The following ZNF385D variants were observed in gnomAD, a reference collection of about 807,000 sequenced individuals.
ZNF385D encodes the protein zinc finger protein 659.
Under a neutral mutation model 35.8 loss-of-function variants are expected in ZNF385D, and 15 were observed. The ratio of observed to expected loss-of-function variants is 0.42; its 90% CI spans 0.28 to 0.64. ZNF385D has a LOEUF of 0.64. Ranked by LOEUF, ZNF385D falls within the 30% of genes least tolerant of loss-of-function variation. The pLI is 0.23. For synonymous variants in ZNF385D, 212 were observed against 186.8 expected (o/e 1.13, Z -1.10); for missense variants, 474 against 494.6 (o/e 0.96, Z 0.39).
chr3:21,612,257 TTTA>T (rs1347165457), intron 2 of ZNF385D, among the ~76,000 whole-genome samples: 1 of 152,076 alleles, frequency 6.6e-6, no homozygotes, highest in Non-Finnish European at 1.5e-5. Flanking sequence ...GCTAATTTTT[TTTA>T]TTTTTTGTTT....
intron 3 of ZNF385D, among the ~76,000 whole-genome samples, chr3:22,040,084 T>C (rs1698572929): frequency 6.6e-6 from 1 of 152,206 alleles, no homozygotes; most frequent in African/African-American, 2.4e-5. Context: ...AGTGTGTACC[T>C]AACTCTCCTC....
chr3:22,123,966 A>C (rs199902204), intron 3 of ZNF385D, among the ~76,000 whole-genome samples: 5,866 of 76,744 alleles, frequency 0.076, 122 homozygotes, highest in African/African-American at 0.098. Flanking sequence ...CTCTCTCTAT[A>C]TATATATATA....
chr3:21,674,642 G>A (rs2066669493), intron 1 of ZNF385D, among the ~76,000 whole-genome samples: 1 of 152,064 alleles, frequency 6.6e-6, no homozygotes, highest in East Asian at 1.9e-4. Flanking sequence ...TCCTGGTGCA[G>A]GATGCAGCTC....
intron 5 of ZNF385D, among the ~76,000 whole-genome samples, chr3:21,429,553 C>T (rs911708283): frequency 7.9e-5 from 12 of 151,716 alleles, no homozygotes; most frequent in African/African-American, 2.9e-4. Context: ...TGATTGTTTC[C>T]TTGGGATAGC....
chr3:21,834,516 T>G (rs928842336), intron 3 of ZNF385D, among the ~76,000 whole-genome samples: 1 of 152,222 alleles, frequency 6.6e-6, no homozygotes, highest in Non-Finnish European at 1.5e-5. Context: ...CAGTTAGGAC[T>G]GCAGATTAGA....
At chr3:22,330,675 T>C (rs766575897) in intron 2 of ZNF385D, among the ~76,000 whole-genome samples, 15 of 152,206 alleles carry the variant, frequency 9.9e-5, no homozygotes, top group Non-Finnish European at 2.1e-4. Context: ...TGAGCTCCTC[T>C]ACACTGTGAT....
intron 2 of ZNF385D, among the ~76,000 whole-genome samples, chr3:22,191,363 T>C (rs1029688981): frequency 1.3e-5 from 2 of 151,896 alleles, no homozygotes; most frequent in Non-Finnish European, 2.9e-5. Flanking sequence ...GGTGCATGCC[T>C]GTAATGCCAG....
At chr3:21,841,694 G>T (rs574782647) in intron 3 of ZNF385D, among the ~76,000 whole-genome samples, 77 of 151,922 alleles carry the variant, frequency 5.1e-4, no homozygotes, top group Non-Finnish European at 1.0e-3. Context: ...ACAAGTATAA[G>T]TATGCATAAT....
At chr3:22,039,699 C>T (rs1220362771) in intron 3 of ZNF385D, among the ~76,000 whole-genome samples, 1 of 152,126 alleles carries the variant, frequency 6.6e-6, no homozygotes, top group Non-Finnish European at 1.5e-5. Context: ...AGGCAAATTA[C>T]ACCCCAGGAT....
At chr3:21,842,770 T>C (rs777435811) in intron 3 of ZNF385D, among the ~76,000 whole-genome samples, 3 of 152,078 alleles carry the variant, frequency 2.0e-5, no homozygotes, top group Non-Finnish European at 2.9e-5. Context: ...TGGTTAATTC[T>C]ACCTTTGATT....
intron 3 of ZNF385D, among the ~76,000 whole-genome samples, chr3:21,897,430 G>A (rs1354629289): frequency 6.6e-6 from 1 of 152,134 alleles, no homozygotes; most frequent in Non-Finnish European, 1.5e-5. Context: ...CAAGACTGTG[G>A]CGGCTATCCT....
At chr3:21,543,443 G>A (rs561090727) in intron 3 of ZNF385D, among the ~76,000 whole-genome samples, 2 of 152,100 alleles carry the variant, frequency 1.3e-5, no homozygotes, top group South Asian at 2.1e-4. Flanking sequence ...TTTTCCAGAC[G>A]GACTAGCGAG....
intron 2 of ZNF385D, among the ~76,000 whole-genome samples, chr3:22,223,792 C>A (rs925956419): frequency 2.6e-5 from 4 of 152,118 alleles, no homozygotes; most frequent in African/African-American, 9.7e-5. Flanking sequence ...ATAATGATTT[C>A]CGACATTATT....
chr3:22,232,240 A>G (rs558057726), intron 2 of ZNF385D, among the ~76,000 whole-genome samples: 6 of 152,078 alleles, frequency 3.9e-5, no homozygotes, highest in African/African-American at 7.2e-5. Context: ...TGTTGCTAGT[A>G]TAACTAAAAA....
chr3:21,737,214 G>A (rs2069286809), intron 1 of ZNF385D, among the ~76,000 whole-genome samples: 1 of 152,112 alleles, frequency 6.6e-6, no homozygotes, highest in African/African-American at 2.4e-5. Flanking sequence ...TGCTGGGACA[G>A]CAATCCTACT....
At chr3:21,491,333 A>G (rs1705409770) in intron 4 of ZNF385D, among the ~76,000 whole-genome samples, 1 of 152,072 alleles carries the variant, frequency 6.6e-6, no homozygotes, top group Non-Finnish European at 1.5e-5. Context: ...GATGATCAAT[A>G]ATGGGCAGCA....
At chr3:21,978,490 T>C (rs541721753) in intron 3 of ZNF385D, among the ~76,000 whole-genome samples, 1 of 152,342 alleles carries the variant, frequency 6.6e-6, no homozygotes, top group South Asian at 2.1e-4. Flanking sequence ...GATTAGGATG[T>C]GGGTGTTCTG....
chr3:21,836,386 A>G (rs2125776143), intron 3 of ZNF385D, among the ~76,000 whole-genome samples: 1 of 152,166 alleles, frequency 6.6e-6, no homozygotes, highest in Non-Finnish European at 1.5e-5. Context: ...ATACCTTTAC[A>G]CTTCTGCATA....
chr3:21,853,632 T>A (rs1696531728), intron 3 of ZNF385D, among the ~76,000 whole-genome samples: 1 of 151,086 alleles, frequency 6.6e-6, no homozygotes, highest in South Asian at 2.1e-4. Flanking sequence ...ATATGGAGGA[T>A]AAATTTAACT....
Sources: allele counts gnomAD v4.1 joint callset (sites outside exome capture counted in the v4.1 genomes callset), GRCh38; gene constraint gnomAD v4.1.1; transcripts MANE v1.5; gene names NCBI Gene and HGNC (gene_info 2026-07-23, HGNC 2026-07-21).